Variants in GABRB1 observed in about 807,000 individuals in gnomAD.
GABRB1 encodes gamma-aminobutyric acid receptor subunit beta-1.
GABRB1 carries 17 observed loss-of-function variants against 51.6 expected under a neutral mutation model. That is an observed-to-expected ratio of 0.33 (90% CI 0.23 to 0.49). GABRB1 has a LOEUF of 0.49. Among genes scored for constraint, GABRB1 ranks in the 20% least tolerant of loss-of-function variants. GABRB1 has a pLI of 0.99. For synonymous variants in GABRB1, 247 were observed against 218.9 expected (o/e 1.13, Z -1.14); for missense variants, 410 against 600.6 (o/e 0.68, Z 3.32).
intron 3 of GABRB1, among the ~76,000 whole-genome samples, chr4:47,127,909 A>G (rs1241408305): frequency 6.6e-6 from 1 of 151,892 alleles, no homozygotes; most frequent in Non-Finnish European, 1.5e-5. Context: ...ATATAACGCT[A>G]AAAGTTTAAT....
rs1332162663 is a variant in GABRB1 at position 47,358,458 on chromosome 4, C to G, written c.544+38249C>G. Among the ~76,000 whole-genome samples, 3 of 151,684 alleles carry G rather than the reference C, an allele frequency of 2.0e-5. No individual in the cohort carries two copies. The East Asian group carries it at 5.8e-4, about 29-fold the overall frequency. ...AGAGATTTATTTTAAGGAAATCACTCATGTAACTGTAGGGGCTGGTAAGTC... is the reference window on the plus strand; with the variant it reads ...AGAGATTTATTTTAAGGAAATCACTGATGTAACTGTAGGGGCTGGTAAGTC... On this transcript the variant is annotated intron_variant, in intron 5 of 8. Coordinates refer to ENST00000295454, the MANE Select transcript of GABRB1 (RefSeq NM_000812.4).
chr4:47,284,370 A>T (rs1723425939), intron 4 of GABRB1, among the ~76,000 whole-genome samples: 1 of 152,068 alleles, frequency 6.6e-6, no homozygotes, highest in Admixed American at 6.5e-5. Context: ...AAACCAAGAA[A>T]AGCTCTGCTA....
At chr4:47,148,349 G>A (rs1210228826) in intron 3 of GABRB1, among the ~76,000 whole-genome samples, 1 of 151,970 alleles carries the variant, frequency 6.6e-6, no homozygotes, top group African/African-American at 2.4e-5. Flanking sequence ...GTGGTGCTGG[G>A]TCATAGAAGT....
intron 1 of GABRB1, among the ~76,000 whole-genome samples, chr4:47,009,616 T>A (rs906859651): frequency 2.6e-5 from 4 of 152,234 alleles, no homozygotes; most frequent in African/African-American, 9.6e-5. Flanking sequence ...AGCCAGATGA[T>A]GTCAAAGTCG....
chr4:47,140,080 A>G (rs902457224), intron 3 of GABRB1, among the ~76,000 whole-genome samples: 1 of 144,350 alleles, frequency 6.9e-6, no homozygotes, highest in African/African-American at 2.6e-5. Flanking sequence ...ATTCCTGGTA[A>G]CTAAATTAAA....
At chr4:47,419,780 G>A (rs555061575) in intron 8 of GABRB1, among the ~76,000 whole-genome samples, 4 of 152,134 alleles carry the variant, frequency 2.6e-5, no homozygotes, top group Non-Finnish European at 5.9e-5. Context: ...GATTATCCAT[G>A]ATCCACCTAA....
chr4:47,238,668 T>G (rs1221760640), intron 4 of GABRB1, among the ~76,000 whole-genome samples: 2 of 152,234 alleles, frequency 1.3e-5, no homozygotes, highest in African/African-American at 4.8e-5. Flanking sequence ...AAGGACATAT[T>G]TATTCTGTAT....
chr4:47,320,355 G>C (rs1725034782), intron 5 of GABRB1, 146 bp downstream of exon 5: 1 of 657,136 alleles, frequency 1.5e-6, no homozygotes, highest in African/African-American at 1.9e-5. Flanking sequence ...GTAGCTCAAG[G>C]GTCATTTCAA....
chr4:47,358,886 GA>G (rs1726692547), intron 5 of GABRB1, among the ~76,000 whole-genome samples: 2 of 152,064 alleles, frequency 1.3e-5, no homozygotes, highest in South Asian at 4.1e-4. Flanking sequence ...TTTGTGTGGG[GA>G]CCCCCGGTGT....
chr4:47,247,493 G>A (rs1721810554), intron 4 of GABRB1, among the ~76,000 whole-genome samples: 1 of 151,984 alleles, frequency 6.6e-6, no homozygotes, highest in African/African-American at 2.4e-5. Context: ...GTCTTGCTTT[G>A]GCTATGCAAG....
intron 5 of GABRB1, among the ~76,000 whole-genome samples, chr4:47,358,417 AGT>A (rs1726670264): frequency 1.3e-5 from 2 of 151,502 alleles, no homozygotes; most frequent in African/African-American, 4.9e-5. Flanking sequence ...AGAGAGAGAG[AGT>A]GAGAGAGAGA....
At chr4:47,020,161 C>G (rs1724888894) in intron 1 of GABRB1, among the ~76,000 whole-genome samples, 1 of 151,986 alleles carries the variant, frequency 6.6e-6, no homozygotes, top group Admixed American at 6.6e-5. Flanking sequence ...CATGGCCTTT[C>G]CACTGTGCAT....
intron 4 of GABRB1, among the ~76,000 whole-genome samples, chr4:47,218,876 T>G (rs752733721): frequency 6.6e-6 from 1 of 151,856 alleles, no homozygotes; most frequent in Non-Finnish European, 1.5e-5. Flanking sequence ...CCTGAAATAA[T>G]ATGTGGTTTC....
intron 4 of GABRB1, among the ~76,000 whole-genome samples, chr4:47,319,376 C>A (rs1724994864): frequency 6.6e-6 from 1 of 152,036 alleles, no homozygotes; most frequent in African/African-American, 2.4e-5. Context: ...CAAGAGTGAG[C>A]ACTCTTGCCT....
intron 4 of GABRB1, among the ~76,000 whole-genome samples, chr4:47,316,907 A>G (rs1675818706): frequency 6.6e-6 from 1 of 151,982 alleles, no homozygotes; most frequent in African/African-American, 2.4e-5. Context: ...TAAAACCATA[A>G]TTCTCATCAT....
At chr4:47,196,411 C>A (rs1397178749) in intron 4 of GABRB1, among the ~76,000 whole-genome samples, 2 of 152,198 alleles carry the variant, frequency 1.3e-5, no homozygotes. Flanking sequence ...AGATCCAGCA[C>A]TGGATAGATC....
Position 47,269,610 on chromosome 4 carries a change from G to T in GABRB1, c.462-50517G>T, listed in dbSNP as rs975291933. Among the ~76,000 whole-genome samples, 20 of 151,938 alleles carry T rather than the reference G, an allele frequency of 1.3e-4. No individual in the cohort carries two copies. The South Asian group carries it at 4.1e-3, about 32-fold the overall frequency. ...GCCAGATGCACCTCATTCTTTCCTG[G>T]TCCTTTTCTCTTATATTCTTTTTCT... On this transcript the variant is annotated intron_variant, in intron 4 of 8. Transcript: ENST00000295454.
At chr4:47,264,492 G>A (rs1473934404) in intron 4 of GABRB1, among the ~76,000 whole-genome samples, 1 of 152,208 alleles carries the variant, frequency 6.6e-6, no homozygotes, top group East Asian at 1.9e-4. Flanking sequence ...CATCCCAGGG[G>A]CACCCCAGGG....
At chr4:47,204,195 C>A (rs1174480303) in intron 4 of GABRB1, among the ~76,000 whole-genome samples, 6 of 152,106 alleles carry the variant, frequency 3.9e-5, no homozygotes, top group African/African-American at 1.4e-4. Flanking sequence ...AGTCTGGGTT[C>A]TCTGGTTACA....
Sources: allele counts gnomAD v4.1 joint callset (sites outside exome capture counted in the v4.1 genomes callset), GRCh38; gene constraint gnomAD v4.1.1; transcripts MANE v1.5; gene names NCBI Gene and HGNC (gene_info 2026-07-23, HGNC 2026-07-21).